Variants in GRID2 observed in about 807,000 individuals in gnomAD.
The protein encoded by GRID2 is glutamate receptor ionotropic, delta-2.
Under a neutral mutation model 114.8 loss-of-function variants are expected in GRID2, and 33 were observed. That is an observed-to-expected ratio of 0.29 (90% confidence interval 0.22 to 0.38). GRID2 has a LOEUF of 0.38. Ranked by LOEUF, GRID2 falls within the 10% of genes least tolerant of loss-of-function variation. The pLI, the probability that GRID2 is intolerant of heterozygous loss-of-function variation, is 1.00. For synonymous variants in GRID2, 505 were observed against 449.9 expected (o/e 1.12, Z -1.55); for missense variants, 1,184 against 1,257.7 (o/e 0.94, Z 0.89).
At chr4:93,181,829 G>A (rs995888714) in intron 4 of GRID2, among the ~76,000 whole-genome samples, 7 of 152,140 alleles carry the variant, frequency 4.6e-5, no homozygotes, top group African/African-American at 1.7e-4. Context: ...AAGATGTAAA[G>A]ATTCCTCATA....
intron 13 of GRID2, among the ~76,000 whole-genome samples, chr4:93,526,740 C>T (rs969993090): frequency 6.6e-6 from 1 of 152,100 alleles, no homozygotes; most frequent in South Asian, 2.1e-4. Flanking sequence ...ACCTGGGAGG[C>T]GGAGGTTGCA....
chr4:92,388,811 AT>A (rs1730104112), intron 1 of GRID2, among the ~76,000 whole-genome samples: 2 of 151,944 alleles, frequency 1.3e-5, no homozygotes, highest in African/African-American at 2.4e-5. Flanking sequence ...CCCTGTTACA[AT>A]TTTTTTGTTG....
intron 8 of GRID2, among the ~76,000 whole-genome samples, chr4:93,345,956 A>G (rs975385631): frequency 1.3e-5 from 2 of 152,170 alleles, no homozygotes; most frequent in East Asian, 3.9e-4. Context: ...GTGACTGTAT[A>G]TGCATGGATT....
intron 1 of GRID2, among the ~76,000 whole-genome samples, chr4:92,437,807 G>T (rs1193765579): frequency 6.6e-6 from 1 of 152,112 alleles, no homozygotes; most frequent in Non-Finnish European, 1.5e-5. Context: ...GATTGCTTCG[G>T]CTCAAGGTAA....
intron 2 of GRID2, among the ~76,000 whole-genome samples, chr4:92,729,956 T>C (rs550163759): frequency 6.6e-5 from 10 of 152,010 alleles, no homozygotes; most frequent in African/African-American, 2.4e-4. Flanking sequence ...TCTTAAGAGC[T>C]TATATTGCTG....
intron 2 of GRID2, chr4:92,884,935 CAAA>C: frequency 2.7e-5 from 7 of 261,494 alleles, no homozygotes; most frequent in South Asian, 7.5e-5. Context: ...TTGGTCTCCC[CAAA>C]AAAAAAAAAT....
At chr4:92,438,502 T>G (rs949619654) in intron 1 of GRID2, among the ~76,000 whole-genome samples, 1 of 152,160 alleles carries the variant, frequency 6.6e-6, no homozygotes, top group African/African-American at 2.4e-5. Flanking sequence ...ATGAGGCATC[T>G]AAAGTCAATA....
At chr4:92,347,643 A>T (rs1002477738) in intron 1 of GRID2, among the ~76,000 whole-genome samples, 1 of 152,184 alleles carries the variant, frequency 6.6e-6, no homozygotes, top group Admixed American at 6.5e-5. Context: ...AATAGTATTG[A>T]GATCTAAAAA....
intron 12 of GRID2, among the ~76,000 whole-genome samples, chr4:93,511,192 C>T (rs1729132258): frequency 6.6e-6 from 1 of 152,126 alleles, no homozygotes; most frequent in African/African-American, 2.4e-5. Context: ...CCACCTCAGC[C>T]TCCCAAAGTG....
intron 1 of GRID2, among the ~76,000 whole-genome samples, chr4:92,570,091 A>G (rs1215015153): frequency 1.3e-5 from 2 of 152,000 alleles, no homozygotes; most frequent in Admixed American, 6.6e-5. Flanking sequence ...TTAGTTTACC[A>G]CTTTACATTT....
At chr4:92,934,965 G>A (rs1188837411) in intron 2 of GRID2, among the ~76,000 whole-genome samples, 1 of 146,340 alleles carries the variant, frequency 6.8e-6, no homozygotes, top group African/African-American at 2.4e-5. Flanking sequence ...TACCATTCAG[G>A]ACATAGGCAT....
intron 1 of GRID2, among the ~76,000 whole-genome samples, chr4:92,317,096 A>G (rs909755319): frequency 6.6e-6 from 1 of 152,178 alleles, no homozygotes; most frequent in African/African-American, 2.4e-5. Context: ...CAGATATTGC[A>G]TTAAGCATGA....
chr4:92,636,678 A>T (rs1041015767), intron 2 of GRID2, among the ~76,000 whole-genome samples: 19 of 152,004 alleles, frequency 1.2e-4, no homozygotes, highest in African/African-American at 3.1e-4. Context: ...CAAAGGTTGC[A>T]TTATTGGTTG....
At chr4:92,994,864 C>T (rs1755106180) in intron 2 of GRID2, among the ~76,000 whole-genome samples, 1 of 152,168 alleles carries the variant, frequency 6.6e-6, no homozygotes, top group African/African-American at 2.4e-5. Context: ...ACCTATGCTA[C>T]AGTGTATGTT....
At chr4:93,685,763 G>C (rs1726021782) in intron 14 of GRID2, among the ~76,000 whole-genome samples, 1 of 151,916 alleles carries the variant, frequency 6.6e-6, no homozygotes, top group Non-Finnish European at 1.5e-5. Context: ...TGTGATAAGG[G>C]AGCAGACTCT....
At chr4:93,484,809 C>T (rs1168712791) in intron 11 of GRID2, among the ~76,000 whole-genome samples, 1 of 151,872 alleles carries the variant, frequency 6.6e-6, no homozygotes, top group Non-Finnish European at 1.5e-5. Context: ...TGAGGCCAAA[C>T]TTAAAATATG....
intron 12 of GRID2, among the ~76,000 whole-genome samples, chr4:93,504,179 GA>G (rs530436004): frequency 6.6e-6 from 1 of 151,836 alleles, no homozygotes; most frequent in Admixed American, 6.6e-5. Context: ...TCTTATAGAG[GA>G]AAAAAATCAC....
In GRID2 at chr4:93,243,903, A is replaced by G. The variant is rs1198992896; in HGVS notation, c.1245+5413A>G. ...CTCAAAGTCAAATTTTGAAATCGCT[A>G]AGGTTTTCTATACCCTTAAATTTTG... On this transcript the variant is annotated intron_variant, in intron 8 of 15. Transcript: ENST00000282020. 3.3e-5 allele frequency among the ~76,000 whole-genome samples: 5 copies of G among 152,158 alleles called. No individual in the cohort carries two copies. In the East Asian group the frequency reaches 7.7e-4, roughly 24 times the overall value.
intron 8 of GRID2, among the ~76,000 whole-genome samples, chr4:93,353,919 C>G (rs1052912979): frequency 5.3e-5 from 8 of 151,876 alleles, no homozygotes; most frequent in Non-Finnish European, 1.0e-4. Flanking sequence ...CACCTACAAA[C>G]TTTGATAACA....
Sources: gnomAD v4.1 joint callset for allele counts (sites outside exome capture counted in the v4.1 genomes callset) on GRCh38, gnomAD v4.1.1 for gene constraint, MANE v1.5 for transcripts, NCBI Gene and HGNC (gene_info 2026-07-23, HGNC 2026-07-21) for gene names.